Variants in UNKL observed in about 807,000 individuals in gnomAD.
UNKL encodes the protein unk like zinc finger.
UNKL carries 60 observed loss-of-function variants against 78.0 expected under a neutral mutation model. That is an observed-to-expected ratio of 0.77 (90% confidence interval 0.63 to 0.95). UNKL has a LOEUF of 0.95. Ranked by LOEUF, UNKL falls within the 40% of genes least tolerant of loss-of-function variation. UNKL has a pLI of 0.00. For synonymous variants in UNKL, 608 were observed against 474.8 expected (o/e 1.28, Z -3.65); for missense variants, 1,159 against 1,045.7 (o/e 1.11, Z -1.49).
At chr16:1,379,226 G>T (rs143540624) in intron 10 of UNKL, 400 of 154,166 alleles carry the variant, frequency 2.6e-3, no homozygotes, top group Non-Finnish European at 4.8e-3. Flanking sequence ...GGAAATTCCC[G>T]TACCACGCGG....
Position 1,377,302 on chromosome 16 carries a change from C to T in UNKL, c.1265-5691G>A, listed in dbSNP as rs112201069. 1.2e-3 allele frequency among the ~76,000 whole-genome samples: 185 copies of T among 152,228 alleles called. 1 individual carries two copies. The highest frequency in any genetic ancestry group is 3.7e-3 in the African/African-American group (154 of 41,536). On this transcript the variant is annotated intron_variant, in intron 10 of 14. Coordinates refer to ENST00000389221, the MANE Select transcript of UNKL (RefSeq NM_001372107.1). ...TCCCAAAGTGCTGGGATTACAGGTG[C>T]AAGCCACCATGCCCAGCCTCAAATG...
intron 9 of UNKL, 103 bp downstream of exon 9, chr16:1,390,529 G>A: frequency 7.9e-7 from 1 of 1,261,720 alleles, no homozygotes; most frequent in Non-Finnish European, 1.1e-6. Context: ...AAGGATGCAT[G>A]AGCGCTGCCC....
intron 2 of UNKL, among the ~76,000 whole-genome samples, chr16:1,411,553 G>A (rs928787016): frequency 1.7e-4 from 26 of 151,982 alleles, no homozygotes; most frequent in African/African-American, 5.1e-4. Context: ...ACAGCCGGGC[G>A]CGGTGGCTCA....
intron 2 of UNKL, chr16:1,406,090 C>G (rs1396765977): frequency 2.2e-6 from 1 of 456,572 alleles, no homozygotes. Context: ...GCTTAGGAGA[C>G]AGGCAGTGTA....
chr16:1,400,711 G>T (rs571114496), intron 4 of UNKL, among the ~76,000 whole-genome samples: 10 of 151,022 alleles, frequency 6.6e-5, no homozygotes, highest in Admixed American at 4.6e-4. Context: ...TTTTTGAAAC[G>T]GAGTCTCACT....
chr16:1,366,261 CT>C lies in UNKL; in HGVS notation c.2180del (p.Lys727ArgfsTer54). 1 of 1,584,318 alleles carries C rather than the reference CT, an allele frequency of 6.3e-7. No homozygotes were observed. The highest frequency in any genetic ancestry group is 1.1e-5 in the South Asian group (1 of 87,194). Reference sequence around the variant, plus strand: ...GAGGTCACCACTGCAGGGGCTGGCCCTTGCAGTAGGGGCACTCAGGTGCGGT... The same window carrying C: ...GAGGTCACCACTGCAGGGGCTGGCCCTGCAGTAGGGGCACTCAGGTGCGGT... The part of the protein sequence containing the change: ...AATAPECPYC[K>X]GQPLQW On this transcript the variant is annotated frameshift_variant, in exon 15 of 15. Coordinates refer to ENST00000389221, the MANE Select transcript of UNKL (RefSeq NM_001372107.1). LOFTEE classifies it high-confidence loss of function.
chr16:1,402,842 AT>A (rs1217238819), intron 3 of UNKL, among the ~76,000 whole-genome samples: 1 of 150,922 alleles, frequency 6.6e-6, no homozygotes, highest in Non-Finnish European at 1.5e-5. Flanking sequence ...AAAAAAAAAA[AT>A]TAGCTGGGCG....
At chr16:1,368,147 G>T (rs557430951) in intron 12 of UNKL, 1 of 476,928 alleles carries the variant, frequency 2.1e-6, no homozygotes, top group Non-Finnish European at 3.8e-6. Flanking sequence ...CAAGTTCCTG[G>T]GACCACACCA....
At chr16:1,369,917 G>A (rs1332091403) in intron 12 of UNKL, 3 of 1,538,716 alleles carry the variant, frequency 1.9e-6, no homozygotes, top group East Asian at 2.4e-5. Context: ...GGAGGTTGCG[G>A]CGAGCCGAGA....
rs529107932 is a variant in UNKL at position 1,364,358 on chromosome 16, G to A, written c.*1882C>T. 6.6e-6 allele frequency: 1 copy of A among 152,214 alleles called. No individual in the cohort carries two copies. The highest frequency in any genetic ancestry group is 1.5e-5 in the Non-Finnish European group (1 of 68,034). The allele number at this position is 152,214 out of a possible 1,614,324, so 9.4% of individuals were successfully genotyped here. On this transcript the variant is annotated 3_prime_UTR_variant, in exon 15 of 15. Coordinates refer to ENST00000389221, the MANE Select transcript of UNKL (RefSeq NM_001372107.1). The stretch of plus-strand genomic sequence containing the variant: ...TTCTAATTTGGTCACTGATGATAAA[G>A]ATTTTTACCTAGACGTTTTGCACTT...
rs763860235 is a variant in UNKL at position 1,367,751 on chromosome 16, G to C, written c.1693C>G (p.Pro565Ala). The C allele has an allele frequency of 2.0e-5, 31 of 1,576,130 alleles. No homozygotes were observed. The highest frequency in any genetic ancestry group is 2.4e-5 in the Non-Finnish European group (28 of 1,161,658). The change falls in exon 13 of 15, where the codon CCA (proline) becomes GCA (alanine). Residue 565 changes from proline to alanine, a missense_variant. Physicochemically the swap from Pro to Ala is conservative, Grantham distance 27 (BLOSUM62 -1). Transcript: ENST00000389221. Reference sequence around the variant, plus strand: ...ACCCGGGCCAGCTCAGCTCCGTTTGGACTTGCACTCGAAGAGGATGGGGGG... The same window carrying C: ...ACCCGGGCCAGCTCAGCTCCGTTTGCACTTGCACTCGAAGAGGATGGGGGG... Reference protein sequence around the residue: ...AGPPSSSSASPNGAELARVRR... With the variant: ...AGPPSSSSASANGAELARVRR...
At position 1,413,960 on chromosome 16, in the gene UNKL, AG is replaced by A; in HGVS notation, c.172del (p.Leu58SerfsTer75). 6.4e-7 allele frequency: 1 copy of A among 1,552,782 alleles called. No individual in the cohort carries two copies. The highest frequency in any genetic ancestry group is 8.7e-7 in the Non-Finnish European group (1 of 1,148,138). On this transcript the variant is annotated frameshift_variant, in exon 2 of 15. Transcript: ENST00000389221. LOFTEE classifies it high-confidence loss of function. The part of the protein sequence containing the change: ...RPFTCFHWHF[L>X]NQRRRRPLRR... ...GAGGGGCCTGCGGCGCCGCTGGTTG[AG>A]GAAGTGCCAGTGGAAGCAGGTGAAC...
chr16:1,396,142 A>C (rs986908717), intron 6 of UNKL, among the ~76,000 whole-genome samples: 1 of 151,798 alleles, frequency 6.6e-6, no homozygotes, highest in Non-Finnish European at 1.5e-5. Context: ...GGGTTTCACC[A>C]TGTTGACCAG....
chr16:1,376,146 C>T (rs566358135), intron 10 of UNKL, among the ~76,000 whole-genome samples: 2 of 145,150 alleles, frequency 1.4e-5, no homozygotes, highest in African/African-American at 5.1e-5. Flanking sequence ...CCCTCCAGGG[C>T]TGGGGCGCTC....
At chr16:1,404,005 G>C (rs1000426372) in intron 2 of UNKL, among the ~76,000 whole-genome samples, 4 of 152,316 alleles carry the variant, frequency 2.6e-5, no homozygotes, top group African/African-American at 9.6e-5. Flanking sequence ...GTGCAGTGGA[G>C]AGGGGAAGCA....
chr16:1,366,515 A>C, intron 14 of UNKL, 120 bp from the exon 15 acceptor site: 2 of 1,315,074 alleles, frequency 1.5e-6, no homozygotes, highest in Non-Finnish European at 2.0e-6. Flanking sequence ...CCAGCTACAG[A>C]GACAGGGTCA....
chr16:1,399,613 C>G lies in UNKL; in HGVS notation c.599-104G>C. On this transcript the variant is annotated intron_variant, in intron 4 of 14. Coordinates refer to ENST00000389221, the MANE Select transcript of UNKL (RefSeq NM_001372107.1). The surrounding 1 kb of genome is among the most constrained non-coding windows in gnomAD (Gnocchi z 5.8). Reference sequence around the variant, plus strand: ...CTGGCTGTCCCCCAAATGGAAGGGGCTGCAGGAGGACTTGGGGAGCGCAGA... The same window carrying G: ...CTGGCTGTCCCCCAAATGGAAGGGGGTGCAGGAGGACTTGGGGAGCGCAGA... The G allele has an allele frequency of 6.6e-7, 1 of 1,507,010 alleles. No homozygotes were observed. The highest frequency in any genetic ancestry group is 1.2e-5 in the South Asian group (1 of 83,066). 93.4% of individuals were successfully genotyped at this position (1,507,010 alleles called of 1,614,324 possible). A position where few individuals can be genotyped will look rare whatever the true frequency, so the allele number is the denominator to read the frequency against.
At chr16:1,380,172 G>T (rs1277877910) in intron 10 of UNKL, among the ~76,000 whole-genome samples, 1 of 152,242 alleles carries the variant, frequency 6.6e-6, no homozygotes, top group Non-Finnish European at 1.5e-5. Flanking sequence ...CCTATCAGAT[G>T]GGTCTGAAAT....
chr16:1,369,372 CTCTTT>C (rs2046965780), intron 12 of UNKL, among the ~76,000 whole-genome samples: 1 of 149,752 alleles, frequency 6.7e-6, no homozygotes, highest in African/African-American at 2.5e-5. Flanking sequence ...GGGCCTTTTT[CTCTTT>C]TTTTTTTTTG....
Sources: gnomAD v4.1 joint callset for allele counts (sites outside exome capture counted in the v4.1 genomes callset) on GRCh38, gnomAD v4.1.1 for gene constraint, Gnocchi (gnomAD v3.1) non-coding constraint, MANE v1.5 for transcripts, NCBI Gene and HGNC (gene_info 2026-07-23, HGNC 2026-07-21) for gene names.